Variants in TMEM232 observed in about 807,000 individuals in gnomAD.
TMEM232 encodes the protein transmembrane protein 232.
In TMEM232, 80 loss-of-function variants were observed where a neutral mutation model predicts 78.8. That is an observed-to-expected ratio of 1.01 (90% CI 0.85 to 1.22). TMEM232 has a LOEUF of 1.22. Among genes scored for constraint, TMEM232 ranks in the 50% most tolerant of loss-of-function variants. The pLI is 0.00. For missense variants in TMEM232, 881 were observed against 742.2 expected (o/e 1.19, Z -2.17); for synonymous variants, 297 against 254.3 (o/e 1.17, Z -1.60).
At chr5:110,519,007 T>A (rs2149493181) in intron 12 of TMEM232, among the ~76,000 whole-genome samples, 1 of 146,470 alleles carries the variant, frequency 6.8e-6, no homozygotes, top group East Asian at 2.0e-4. Context: ...AAGAAAAAAA[T>A]TCAAATACAC....
chr5:110,407,068 GGAA>G (rs1357268907), intron 2 of TMEM232, among the ~76,000 whole-genome samples: 3 of 151,904 alleles, frequency 2.0e-5, no homozygotes, highest in Non-Finnish European at 2.9e-5. Flanking sequence ...AATAAGAAAG[GGAA>G]GAAGAGGAAA....
chr5:110,722,571 A>G (rs1268480669), intron 1 of TMEM232, among the ~76,000 whole-genome samples: 1 of 152,176 alleles, frequency 6.6e-6, no homozygotes, highest in South Asian at 2.1e-4. Context: ...GCTCTCATGG[A>G]GGCTGGCTTC....
intron 1 of TMEM232, among the ~76,000 whole-genome samples, chr5:110,719,480 T>G (rs1486567295): frequency 6.6e-6 from 1 of 152,026 alleles, no homozygotes; most frequent in Non-Finnish European, 1.5e-5. Context: ...TCCAGGCAGT[T>G]TTTGCAGCTT....
intron 2 of TMEM232, among the ~76,000 whole-genome samples, chr5:110,661,369 T>C (rs1789766547): frequency 6.6e-6 from 1 of 152,142 alleles, no homozygotes; most frequent in Non-Finnish European, 1.5e-5. Flanking sequence ...TGAAGTGCAG[T>C]GGTGCAATCT....
downstream of TMEM232, chr5:110,417,551 A>T (rs1308992437): frequency 6.6e-6 from 1 of 151,938 alleles, no homozygotes; most frequent in Non-Finnish European, 1.5e-5. Flanking sequence ...AAGTATAGTA[A>T]AGTTTATTTT....
At chr5:110,555,168 T>C (rs1171434382) in intron 11 of TMEM232, among the ~76,000 whole-genome samples, 5 of 152,196 alleles carry the variant, frequency 3.3e-5, no homozygotes, top group Non-Finnish European at 1.5e-5. Flanking sequence ...AACTTTCCTG[T>C]TAACACTGCT....
chr5:110,437,949 T>G (rs963351051), intron 12 of TMEM232, among the ~76,000 whole-genome samples: 1 of 152,100 alleles, frequency 6.6e-6, no homozygotes, highest in African/African-American at 2.4e-5. Context: ...TTTAATAAAC[T>G]ATCTACTAAG....
Position 110,716,331 on chromosome 5 carries a change from G to A in TMEM232, c.-13+10296C>T, listed in dbSNP as rs146604598. ...GATGATTCAAGTGCATTCCATTTAC[G>A]ATGCACTTTATTTCTATTATTGTTA... On this transcript the variant is annotated intron_variant, in intron 1 of 13. Transcript: ENST00000455884. Among the ~76,000 whole-genome samples, 7 of 152,190 alleles carry A rather than the reference G, an allele frequency of 4.6e-5. No individual in the cohort carries two copies. In the East Asian group the frequency reaches 1.2e-3, roughly 25 times the overall value.
At chr5:110,639,139 G>A (rs946399946) in intron 4 of TMEM232, among the ~76,000 whole-genome samples, 1 of 152,160 alleles carries the variant, frequency 6.6e-6, no homozygotes, top group Non-Finnish European at 1.5e-5. Flanking sequence ...TGAGTAAGTA[G>A]GGAGGTAGCC....
At chr5:110,430,663 G>A (rs932080948) in intron 12 of TMEM232, among the ~76,000 whole-genome samples, 1 of 151,242 alleles carries the variant, frequency 6.6e-6, no homozygotes, top group Non-Finnish European at 1.5e-5. Flanking sequence ...CATAATCATC[G>A]ATCATGGGAA....
intron 10 of TMEM232, among the ~76,000 whole-genome samples, chr5:110,594,616 T>C (rs929341556): frequency 2.0e-5 from 3 of 152,130 alleles, no homozygotes; most frequent in African/African-American, 7.2e-5. Context: ...TCGAGCTTCA[T>C]GCGGGAAGGG....
At chr5:110,705,188 T>C (rs1795804303) in intron 1 of TMEM232, among the ~76,000 whole-genome samples, 1 of 152,134 alleles carries the variant, frequency 6.6e-6, no homozygotes. Context: ...AAATGCCCAA[T>C]GGCAATAACA....
intron 10 of TMEM232, among the ~76,000 whole-genome samples, chr5:110,581,131 GTAT>G (rs928310411): frequency 6.6e-6 from 1 of 151,218 alleles, no homozygotes; most frequent in African/African-American, 2.4e-5. Flanking sequence ...CAAACTACCA[GTAT>G]TATTTTTTAC....
chr5:110,651,683 A>G (rs1561455424), intron 2 of TMEM232, among the ~76,000 whole-genome samples: 1 of 152,086 alleles, frequency 6.6e-6, no homozygotes, highest in Non-Finnish European at 1.5e-5. Flanking sequence ...TTCAGAGAAC[A>G]AGGGGGTGAG....
intron 12 of TMEM232, among the ~76,000 whole-genome samples, chr5:110,507,198 A>G (rs1164081607): frequency 6.6e-6 from 1 of 152,226 alleles, no homozygotes; most frequent in Non-Finnish European, 1.5e-5. Context: ...GGGGAAGGGG[A>G]AAGAGAGGTT....
At chr5:110,452,921 G>A (rs77798052) in intron 12 of TMEM232, among the ~76,000 whole-genome samples, 2,106 of 152,240 alleles carry the variant, frequency 0.014, 46 homozygotes, top group Admixed American at 0.063. Flanking sequence ...ATGTGTGCAC[G>A]TACTCCTTAC....
rs149033721 is a variant in TMEM232, at chr5:110,613,827, T to A, written c.902+4602A>T. 9.7e-3 allele frequency among the ~76,000 whole-genome samples: 1,480 copies of A among 152,230 alleles called. 33 individuals are homozygous for A. The highest frequency in any genetic ancestry group is 0.033 in the African/African-American group (1,382 of 41,568). On this transcript the variant is annotated intron_variant, in intron 8 of 13. Coordinates refer to ENST00000455884, the MANE Select transcript of TMEM232 (RefSeq NM_001039763.4). ...ACAGTGTATATTGTTTATCTGGAGT[T>A]ATGGCCTCTTGAAACCTATACAGGC... is the stretch of plus-strand genomic sequence containing the variant.
intron 11 of TMEM232, among the ~76,000 whole-genome samples, chr5:110,533,472 T>G (rs191201949): frequency 1.3e-5 from 2 of 152,200 alleles, no homozygotes; most frequent in Admixed American, 6.5e-5. Flanking sequence ...CTAGCCCTCA[T>G]GTCTGTGTGC....
At chr5:110,475,912 C>A (rs955711254) in intron 12 of TMEM232, among the ~76,000 whole-genome samples, 2 of 151,924 alleles carry the variant, frequency 1.3e-5, no homozygotes, top group Admixed American at 6.6e-5. Flanking sequence ...AGTTCACAGA[C>A]ATCAGGTAGA....
Sources: allele counts gnomAD v4.1 joint callset (sites outside exome capture counted in the v4.1 genomes callset), GRCh38; gene constraint gnomAD v4.1.1; transcripts MANE v1.5; gene names NCBI Gene and HGNC (gene_info 2026-07-23, HGNC 2026-07-21).